The following CCDC59 variants were observed in gnomAD, a reference collection of about 807,000 sequenced individuals.
CCDC59 encodes thyroid transcription factor 1-associated protein 26.
Under a neutral mutation model 30.5 loss-of-function variants are expected in CCDC59, and 27 were observed. The observed-to-expected ratio is 0.89, with a 90% confidence interval of 0.65 to 1.22. The LOEUF is 1.22. Among genes scored for constraint, CCDC59 ranks in the 50% most tolerant of loss-of-function variants. CCDC59 has a pLI of 0.00. For missense variants in CCDC59, 362 were observed against 284.4 expected, an observed-to-expected ratio of 1.27 and a Z score of -1.96; for synonymous variants, 125 against 100.9, an observed-to-expected ratio of 1.24 and a Z score of -1.43.
At chr12:82,354,836 A>T (rs1189267632) in intron 2 of CCDC59, 1 of 276,672 alleles carries the variant, frequency 3.6e-6, no homozygotes, top group African/African-American at 2.2e-5. Context: ...GACTGAAAAA[A>T]GAATTAAACT....
Position 82,353,209 on chromosome 12 carries a change from T to C in CCDC59, c.668A>G (p.Gln223Arg). The change falls in exon 4 of 4, where the codon CAA becomes CGA. Residue 223 changes from glutamine (Q) to arginine (R), a missense_variant. Transcript: ENST00000256151. ...CTCCATTTGTACATTCAAGTTTGGT[T>C]GGCCCTTTTTAGTCTTTTTGTTCAG... ...KILNKKTKKG[Q>R]PNLNVQMEYL... The C allele has an allele frequency of 2.5e-6, 4 of 1,612,330 alleles. No homozygotes were observed. The highest frequency in any genetic ancestry group is 2.5e-6 in the Non-Finnish European group (3 of 1,179,548).
At chr12:82,358,412 C>G, upstream of CCDC59, 1 of 1,610,078 alleles carries the variant, frequency 6.2e-7, no homozygotes, top group Non-Finnish European at 8.5e-7. Context: ...AAGACCACGA[C>G]GGACGCCCAC....
At chr12:82,355,337 A>C (rs1327601914) in intron 2 of CCDC59, 1 of 152,210 alleles carries the variant, frequency 6.6e-6, no homozygotes, top group African/African-American at 2.4e-5. Flanking sequence ...AAAAATATTA[A>C]ATTGAAAAAT....
chr12:82,358,710 G>T (rs374380316), upstream of CCDC59: 23 of 1,614,074 alleles, frequency 1.4e-5, no homozygotes, highest in African/African-American at 2.9e-4. Context: ...CGTGTGGGAG[G>T]AGCTGGTCGA....
chr12:82,354,492 TA>T lies in CCDC59; in HGVS notation c.564+2del. On this transcript the variant is annotated splice_donor_variant, in intron 3 of 3. Coordinates refer to ENST00000256151, the MANE Select transcript of CCDC59 (RefSeq NM_014167.5). LOFTEE classifies it high-confidence loss of function. ...TACTAAATATTTTCAAAGTAGAACT[TA>T]CTTGTTTCTTAGCAGCACGTTTGGC... The T allele has an allele frequency of 6.3e-7, 1 of 1,575,644 alleles. No homozygotes were observed.
At chr12:82,357,501 A>C (rs1330616135) in intron 1 of CCDC59, among the ~76,000 whole-genome samples, 1 of 152,220 alleles carries the variant, frequency 6.6e-6, no homozygotes, top group Non-Finnish European at 1.5e-5. Flanking sequence ...CCAAGTAAGA[A>C]TCTCAAAGAA....
Position 82,354,488 on chromosome 12 carries a change from AACTT to A in CCDC59, c.564+3_564+6del, listed in dbSNP as rs756144512. ...ACTATACTAAATATTTTCAAAGTAG[AACTT>A]ACTTGTTTCTTAGCAGCACGTTTGG... On this transcript the variant is annotated splice_donor_5th_base_variant and intron_variant, in intron 3 of 3. Transcript: ENST00000256151. 5.1e-6 allele frequency: 8 copies of A among 1,577,436 alleles called. No individual in the cohort carries two copies. In the South Asian group the frequency reaches 7.1e-5, roughly 14 times the overall value.
chr12:82,358,097 A>G, intron 1 of CCDC59, 126 bp downstream of exon 1: 7 of 1,046,884 alleles, frequency 6.7e-6, no homozygotes, highest in East Asian at 2.5e-5. Flanking sequence ...CGGGCTCAGG[A>G]ATGAATTCCC....
rs765690739 is a variant in CCDC59 at position 82,354,507 on chromosome 12, A to G, written c.552T>C (p.Ala184=). Residue 184 remains alanine (A), a synonymous_variant, in exon 3 of 4, where the codon GCT becomes GCC. Coordinates refer to ENST00000256151, the MANE Select transcript of CCDC59 (RefSeq NM_014167.5). ...EEYEQIQAKR[A]AKKQEFERRK... ...AAGTAGAACTTACTTGTTTCTTAGC[A>G]GCACGTTTGGCTTGTATCTGTTCAT... 14 of 1,591,564 alleles carry G rather than the reference A, an allele frequency of 8.8e-6. No individual in the cohort carries two copies. The highest frequency in any genetic ancestry group is 1.2e-5 in the South Asian group (1 of 86,458).
rs764109117 is a variant in CCDC59 at position 82,356,949 on chromosome 12, A to C, written c.464+11T>G. 1.0e-5 allele frequency: 16 copies of C among 1,581,788 alleles called. No individual in the cohort carries two copies. The highest frequency in any genetic ancestry group is 1.3e-5 in the Non-Finnish European group (15 of 1,157,368). On this transcript the variant is annotated intron_variant, in intron 2 of 3. Coordinates refer to ENST00000256151, the MANE Select transcript of CCDC59 (RefSeq NM_014167.5). ...AACACTTAAAGGATTTCAAATGAAG[A>C]AAATACATACTTTACTGTTTTAATA...
At chr12:82,356,069 A>AC (rs1423130325) in intron 2 of CCDC59, 4 of 152,050 alleles carry the variant, frequency 2.6e-5, no homozygotes, top group African/African-American at 9.7e-5. Flanking sequence ...CCCCAATTAC[A>AC]TTTTTACCCC....
rs1881091427 is a variant in CCDC59 at position 82,357,251 on chromosome 12, C to T, written c.173G>A (p.Arg58Gln). 2 of 1,610,526 alleles carry T rather than the reference C, an allele frequency of 1.2e-6. No individual in the cohort carries two copies. The highest frequency in any genetic ancestry group is 1.7e-6 in the Non-Finnish European group (2 of 1,179,060). The change falls in exon 2 of 4, where the codon CGA becomes CAA. Residue 58 changes from arginine (R) to glutamine (Q), a missense_variant. Physicochemically the swap from Arg to Gln is conservative, Grantham distance 43. Coordinates refer to ENST00000256151, the MANE Select transcript of CCDC59 (RefSeq NM_014167.5). ...ACTTTGCTGTATTTTCAGTTTTCTT[C>T]GAAAAGCAAAGCCTTGTCCTACATT... ...SVREGQGFAF[R>Q]RKLKIQQSYK... is the part of the protein sequence containing the mutation.
chr12:82,358,412 C>T (rs758470701), upstream of CCDC59: 50 of 1,609,960 alleles, frequency 3.1e-5, no homozygotes, highest in Non-Finnish European at 4.2e-5. Flanking sequence ...AAGACCACGA[C>T]GGACGCCCAC....
In CCDC59 at chr12:82,358,224, C is replaced by G; in HGVS notation, c.153G>C (p.Glu51Asp). 6.2e-7 allele frequency: 1 copy of G among 1,614,222 alleles called. No homozygotes were observed. The highest frequency in any genetic ancestry group is 1.1e-5 in the South Asian group (1 of 91,080). The change falls in exon 1 of 4, where the codon GAG (glutamate) becomes GAC (aspartate). Residue 51 changes from glutamate to aspartate, a missense_variant and splice_region_variant. Coordinates refer to ENST00000256151, the MANE Select transcript of CCDC59 (RefSeq NM_014167.5). ...HPQAFVGSVR[E>D]GQGFAFRRKL... Reference sequence around the variant, plus strand: ...GCAAATGGTTGCCTTCTTACATACCCTCGCGAACGCTCCCCACGAAGGCTT... The same window carrying G: ...GCAAATGGTTGCCTTCTTACATACCGTCGCGAACGCTCCCCACGAAGGCTT...
At chr12:82,353,467 C>T (rs1202521691) in intron 3 of CCDC59, among the ~76,000 whole-genome samples, 155 bp from the exon 4 acceptor site, 1 of 151,942 alleles carries the variant, frequency 6.6e-6, no homozygotes, top group Non-Finnish European at 1.5e-5. Flanking sequence ...AGCAAAGTAC[C>T]CTCTTTGCCT....
At chr12:82,354,425 A>C in intron 3 of CCDC59, 70 bp downstream of exon 3, 3 of 1,200,146 alleles carry the variant, frequency 2.5e-6, no homozygotes, top group Non-Finnish European at 3.4e-6. Flanking sequence ...CAAGAAGCAC[A>C]ACAGGTATAG....
chr12:82,356,642 A>G (rs180843432), intron 2 of CCDC59, among the ~76,000 whole-genome samples: 2 of 152,324 alleles, frequency 1.3e-5, no homozygotes, highest in Admixed American at 1.3e-4. Flanking sequence ...CTAAAATTAT[A>G]ACACCTCTCA....
upstream of CCDC59, chr12:82,358,431 TCACCAAGC>T (rs1881244758): frequency 6.2e-7 from 1 of 1,607,218 alleles, no homozygotes; most frequent in Admixed American, 1.7e-5. Flanking sequence ...ACAAAATACG[TCACCAAGC>T]CGAAGCAATC....
chr12:82,354,732 G>C, intron 2 of CCDC59, 138 bp from the exon 3 acceptor site: 2 of 619,048 alleles, frequency 3.2e-6, no homozygotes, highest in Non-Finnish European at 4.7e-6. Context: ...ATTTCAACTA[G>C]GAAAAAATAT....
Sources: gnomAD v4.1 joint callset for allele counts (sites outside exome capture counted in the v4.1 genomes callset) on GRCh38, gnomAD v4.1.1 for gene constraint, MANE v1.5 for transcripts, NCBI Gene and HGNC (gene_info 2026-07-23, HGNC 2026-07-21) for gene names.